Variants in RPS6KA2 observed in about 807,000 individuals in gnomAD.
The protein encoded by RPS6KA2 is ribosomal protein S6 kinase alpha-2.
A neutral mutation model predicts 91.8 loss-of-function variants in RPS6KA2; 42 were observed. That is an observed-to-expected ratio of 0.46 (90% CI 0.36 to 0.59). RPS6KA2 has a LOEUF of 0.59. Among genes scored for constraint, RPS6KA2 ranks in the 20% least tolerant of loss-of-function variants. The pLI is 0.00. For missense variants in RPS6KA2, 798 were observed against 978.5 expected, an observed-to-expected ratio of 0.82 and a Z score of 2.46; for synonymous variants, 414 against 393.6, an observed-to-expected ratio of 1.05 and a Z score of -0.61.
chr6:166,565,647 T>C (rs1784477248), intron 1 of RPS6KA2, among the ~76,000 whole-genome samples: 1 of 152,226 alleles, frequency 6.6e-6, no homozygotes, highest in Non-Finnish European at 1.5e-5. Flanking sequence ...CAGTGTGGAC[T>C]TGACTCGGTC....
intron 2 of RPS6KA2, among the ~76,000 whole-genome samples, chr6:166,713,756 G>C (rs1789934697): frequency 6.6e-6 from 1 of 152,226 alleles, no homozygotes; most frequent in African/African-American, 2.4e-5. Flanking sequence ...TATCCGGAGG[G>C]AAGCAGAGGA....
intron 5 of RPS6KA2, among the ~76,000 whole-genome samples, chr6:166,507,870 AAC>A (rs1172896331): frequency 2.1e-5 from 3 of 140,534 alleles, no homozygotes; most frequent in Non-Finnish European, 4.6e-5. Flanking sequence ...CACAACCCCA[AAC>A]ACCACGCACA....
intron 2 of RPS6KA2, among the ~76,000 whole-genome samples, chr6:166,654,298 A>C (rs995286671): frequency 6.6e-6 from 1 of 152,210 alleles, no homozygotes; most frequent in African/African-American, 2.4e-5. Context: ...CCACAATAAA[A>C]GTTATCATCA....
chr6:166,788,910 A>G (rs150931106), intron 2 of RPS6KA2, among the ~76,000 whole-genome samples: 5 of 152,340 alleles, frequency 3.3e-5, no homozygotes, highest in South Asian at 4.1e-4. Context: ...GAACAGCTCC[A>G]GTCTACAGCT....
chr6:166,521,542 C>T (rs1782854122), intron 3 of RPS6KA2, among the ~76,000 whole-genome samples: 1 of 152,234 alleles, frequency 6.6e-6, no homozygotes, highest in Non-Finnish European at 1.5e-5. Context: ...AAATGTCTGT[C>T]CTATGCTGGT....
intron 2 of RPS6KA2, among the ~76,000 whole-genome samples, chr6:166,716,818 T>C (rs1223139992): frequency 6.6e-6 from 1 of 152,246 alleles, no homozygotes; most frequent in African/African-American, 2.4e-5. Context: ...TTTTGATGGA[T>C]ACAACTTTTC....
At chr6:166,751,846 C>T (rs1583079252) in intron 2 of RPS6KA2, among the ~76,000 whole-genome samples, 2 of 151,540 alleles carry the variant, frequency 1.3e-5, no homozygotes, top group Admixed American at 6.6e-5. Context: ...CAAGGTCAGG[C>T]CCTGTGGACC....
intron 2 of RPS6KA2, among the ~76,000 whole-genome samples, chr6:166,803,224 G>A (rs1251523856): frequency 6.6e-6 from 1 of 152,184 alleles, no homozygotes; most frequent in East Asian, 1.9e-4. Flanking sequence ...GGTAAAGTGT[G>A]CAAGAAGCGA....
In RPS6KA2 at chr6:166,670,334, G is replaced by A. The variant is rs184077730; in HGVS notation, c.124-131550C>T. Among the ~76,000 whole-genome samples the A allele has an allele frequency of 1.2e-3, 176 of 152,326 alleles. 1 individual carries two copies. The highest frequency in any genetic ancestry group is 3.7e-3 in the African/African-American group (155 of 41,568). ...GAGTGATTCCCCAACGTCATCCTTC[G>A]GATGAGACCACAGCCCTGCCTGACA... On this transcript the variant is annotated intron_variant, in intron 2 of 21. Transcript: ENST00000503859.
At chr6:166,498,077 C>T (rs993914951) in intron 8 of RPS6KA2, among the ~76,000 whole-genome samples, 28 of 141,250 alleles carry the variant, frequency 2.0e-4, no homozygotes, top group African/African-American at 6.1e-4. Context: ...ACTCTGCCTG[C>T]GAAAACGCGA....
rs535883410 is a variant in RPS6KA2 at position 166,437,658 on chromosome 6, G to C, written c.1333-5168C>G. Among the ~76,000 whole-genome samples, 6 of 152,308 alleles carry C rather than the reference G, an allele frequency of 3.9e-5. No homozygotes were observed. The highest frequency in any genetic ancestry group is 3.9e-4 in the Admixed American group (6 of 15,302). On this transcript the variant is annotated intron_variant, in intron 14 of 20. Coordinates refer to ENST00000265678, the MANE Select transcript of RPS6KA2 (RefSeq NM_021135.6). The surrounding 1 kb of genome is among the most constrained non-coding windows in gnomAD (Gnocchi z 4.3). ...CCTTCCTTAGAGATGCTGAGTCTAG[G>C]GGTCTGAATATCCACGAAGCAATTC...
intron 1 of RPS6KA2, among the ~76,000 whole-genome samples, chr6:166,859,931 C>T (rs564795449): frequency 2.6e-5 from 4 of 152,140 alleles, no homozygotes; most frequent in Non-Finnish European, 5.9e-5. Context: ...GCAGATTTTC[C>T]GATGAGAAAA....
intron 2 of RPS6KA2, among the ~76,000 whole-genome samples, chr6:166,829,787 T>C (rs1200024165): frequency 6.6e-6 from 1 of 151,822 alleles, no homozygotes; most frequent in African/African-American, 2.4e-5. Context: ...TGTATATACC[T>C]ACAATGGAAC....
At chr6:166,655,765 C>A (rs945201919) in intron 2 of RPS6KA2, among the ~76,000 whole-genome samples, 2 of 152,224 alleles carry the variant, frequency 1.3e-5, no homozygotes, top group South Asian at 2.1e-4. Flanking sequence ...CCACACTGGG[C>A]TGGCGAGAGT....
In RPS6KA2 at chr6:166,419,252, C is replaced by A. The variant is rs931115100; in HGVS notation, c.1820+630G>T. On this transcript the variant is annotated intron_variant, in intron 18 of 20. Transcript: ENST00000265678. The surrounding 1 kb of genome is among the most constrained non-coding windows in gnomAD (Gnocchi z 5.6). ...ATTTAATAAACGTAATAGGAACCAG[C>A]GGATCTTGTAAGATCCTAGACCTTC... Among the ~76,000 whole-genome samples, 1 of 152,212 alleles carries A rather than the reference C, an allele frequency of 6.6e-6. No homozygotes were observed. The highest frequency in any genetic ancestry group is 1.5e-5 in the Non-Finnish European group (1 of 68,042).
At chr6:166,546,650 T>C (rs932728065) in intron 1 of RPS6KA2, among the ~76,000 whole-genome samples, 7 of 152,298 alleles carry the variant, frequency 4.6e-5, no homozygotes, top group Non-Finnish European at 8.8e-5. Flanking sequence ...TGAGACCTAT[T>C]GGGATAAATT....
chr6:166,786,173 G>A (rs1214055051), intron 2 of RPS6KA2, among the ~76,000 whole-genome samples: 1 of 152,210 alleles, frequency 6.6e-6, no homozygotes, highest in Non-Finnish European at 1.5e-5. Context: ...CTTCTGTGGT[G>A]AACAGTCTCC....
intron 1 of RPS6KA2, among the ~76,000 whole-genome samples, chr6:166,587,808 C>T (rs1353560767): frequency 6.6e-6 from 1 of 152,174 alleles, no homozygotes; most frequent in African/African-American, 2.4e-5. Flanking sequence ...TGGGTAGAGT[C>T]TGACTTCCTG....
rs960500641 is a variant in RPS6KA2 at position 166,441,765 on chromosome 6, C to T, written c.1332+6959G>A. 2.6e-5 allele frequency among the ~76,000 whole-genome samples: 4 copies of T among 152,364 alleles called. No homozygotes were observed. The South Asian group carries it at 6.2e-4, about 24-fold the overall frequency. On this transcript the variant is annotated intron_variant, in intron 14 of 20. Coordinates refer to ENST00000265678, the MANE Select transcript of RPS6KA2 (RefSeq NM_021135.6). ...CGAGCAGGCTGTGATCCACAGGAGC[C>T]GGGGCTAGTGCTGCCAGTGACCTCG...
Sources: allele counts gnomAD v4.1 joint callset (sites outside exome capture counted in the v4.1 genomes callset), GRCh38; gene constraint gnomAD v4.1.1; non-coding constraint Gnocchi (gnomAD v3.1); transcripts MANE v1.5; gene names NCBI Gene and HGNC (gene_info 2026-07-23, HGNC 2026-07-21).